The following STAT5B variants were observed in gnomAD, a reference collection of about 807,000 sequenced individuals.
STAT5B encodes the protein signal transducer and activator of transcription 5B, also known as transcription factor STAT5B.
STAT5B carries 21 observed loss-of-function variants against 107.8 expected under a neutral mutation model. The observed-to-expected ratio is 0.19, with a 90% CI of 0.14 to 0.28. The LOEUF (loss-of-function observed/expected upper bound fraction) is 0.28. Among genes scored for constraint, STAT5B ranks in the 10% least tolerant of loss-of-function variants. STAT5B has a pLI of 1.00. For missense variants in STAT5B, 565 were observed against 1,008.2 expected (o/e 0.56, Z 5.95); for synonymous variants, 325 against 401.7 (o/e 0.81, Z 2.28).
Position 42,262,952 on chromosome 17 carries a change from G to A in STAT5B, c.-11+13296C>T, listed in dbSNP as rs1285916500. Among the ~76,000 whole-genome samples the A allele has an allele frequency of 2.9e-3, 143 of 49,092 alleles. 5 individuals are homozygous for A. The highest frequency in any genetic ancestry group is 0.011 in the African/African-American group (118 of 10,494). 32.2% of individuals were successfully genotyped at this position (49,092 alleles called of 152,430 possible). A position where few individuals can be genotyped will look rare whatever the true frequency, so the allele number is the denominator to read the frequency against. ...TATATATGTATATATATGTGTGTGT[G>A]TGTGTGTGTGTGTGTGTGTATATAT... On this transcript the variant is annotated intron_variant, in intron 1 of 18. Coordinates refer to ENST00000293328, the MANE Select transcript of STAT5B (RefSeq NM_012448.4).
In STAT5B at chr17:42,228,934, C is replaced by T. The variant is rs145368468; in HGVS notation, c.129-1249G>A. Among the ~76,000 whole-genome samples, 324 of 152,150 alleles carry T rather than the reference C, an allele frequency of 2.1e-3. 2 individuals are homozygous for T. The highest frequency in any genetic ancestry group is 7.4e-3 in the African/African-American group (309 of 41,490). On this transcript the variant is annotated intron_variant, in intron 2 of 18. Coordinates refer to ENST00000293328, the MANE Select transcript of STAT5B (RefSeq NM_012448.4). ...GGGTGACAAAGCAAGATTCTCTCTA[C>T]GAAAACATAACAAAACAAAACAAAA... is the stretch of plus-strand genomic sequence containing the variant.
intron 1 of STAT5B, among the ~76,000 whole-genome samples, chr17:42,265,013 GA>G (rs1168055816): frequency 7.7e-6 from 1 of 129,402 alleles, no homozygotes; most frequent in Non-Finnish European, 1.6e-5. Context: ...CTTCTTTTGA[GA>G]AGTGTCTGTT....
intron 1 of STAT5B, among the ~76,000 whole-genome samples, chr17:42,255,160 C>T (rs1323296202): frequency 6.6e-6 from 1 of 152,154 alleles, no homozygotes; most frequent in Non-Finnish European, 1.5e-5. Context: ...AGCTGAGGTC[C>T]CCTGTGGAGA....
chr17:42,238,501 C>T (rs1377925755), intron 1 of STAT5B, among the ~76,000 whole-genome samples: 2 of 145,542 alleles, frequency 1.4e-5, no homozygotes, highest in African/African-American at 2.6e-5. Context: ...GTCACCCAGG[C>T]TGGAGTGCAG....
In STAT5B at chr17:42,247,848, G is replaced by A. The variant is rs778742200; in HGVS notation, c.-10-15711C>T. Among the ~76,000 whole-genome samples, 47 of 152,002 alleles carry A rather than the reference G, an allele frequency of 3.1e-4. 1 individual carries two copies. The highest frequency in any genetic ancestry group is 4.7e-4 in the Non-Finnish European group (32 of 68,016). On this transcript the variant is annotated intron_variant, in intron 1 of 18. Coordinates refer to ENST00000293328, the MANE Select transcript of STAT5B (RefSeq NM_012448.4). ...CACACCTGTAGTCTTAGTTACTTGG[G>A]AGGATGAGGTGGGAGAATCACTTGA...
upstream of STAT5B, among the ~76,000 whole-genome samples, chr17:42,279,483 G>A (rs533947620): frequency 5.9e-5 from 9 of 152,256 alleles, no homozygotes; most frequent in African/African-American, 9.6e-5. Context: ...GCCACAGGGC[G>A]CTAGTTTAAA....
chr17:42,215,923 T>C, intron 12 of STAT5B, 91 bp downstream of exon 12: 1 of 1,445,148 alleles, frequency 6.9e-7, no homozygotes, highest in Non-Finnish European at 9.5e-7. Context: ...CACCCGGCCT[T>C]TTCCTATGCT....
chr17:42,241,617 A>AT (rs1363492657), intron 1 of STAT5B, among the ~76,000 whole-genome samples: 1 of 151,618 alleles, frequency 6.6e-6, no homozygotes, highest in East Asian at 2.0e-4. Flanking sequence ...TAATTTTTGG[A>AT]TTTTTAGTAG....
intron 1 of STAT5B, among the ~76,000 whole-genome samples, chr17:42,243,774 T>G (rs1452872755): frequency 6.6e-6 from 1 of 152,154 alleles, no homozygotes; most frequent in Non-Finnish European, 1.5e-5. Context: ...AAACTGTCCC[T>G]GGTGGTCAAT....
At chr17:42,273,539 C>T (rs2080738310) in intron 1 of STAT5B, among the ~76,000 whole-genome samples, 1 of 152,164 alleles carries the variant, frequency 6.6e-6, no homozygotes, top group Non-Finnish European at 1.5e-5. Context: ...ATGCAGTAAT[C>T]TGCACTCTTA....
intron 1 of STAT5B, among the ~76,000 whole-genome samples, chr17:42,250,723 G>A (rs937760284): frequency 1.3e-5 from 2 of 152,004 alleles, no homozygotes; most frequent in African/African-American, 4.8e-5. Flanking sequence ...AGGAGATCGA[G>A]ACCATCCTGG....
intron 1 of STAT5B, among the ~76,000 whole-genome samples, chr17:42,246,033 C>T (rs1055670868): frequency 7.9e-5 from 12 of 152,048 alleles, no homozygotes; most frequent in Non-Finnish European, 1.5e-5. Flanking sequence ...TGCAAGAGGG[C>T]AAATAGAGAA....
At chr17:42,208,672 A>C (rs1280369667) in intron 15 of STAT5B, among the ~76,000 whole-genome samples, 1 of 151,942 alleles carries the variant, frequency 6.6e-6, no homozygotes, top group African/African-American at 2.4e-5. Flanking sequence ...CCATACAAAG[A>C]TATATAAAAG....
chr17:42,250,662 T>C lies in STAT5B; in HGVS notation c.-10-18525A>G, dbSNP rs929264791. 3.9e-5 allele frequency among the ~76,000 whole-genome samples: 6 copies of C among 152,158 alleles called. No homozygotes were observed. In the South Asian group the frequency reaches 6.2e-4, roughly 16 times the overall value. The stretch of plus-strand genomic sequence containing the variant: ...TCACGAGGCCGGGCGCGGTGGCTCA[T>C]GCCTGTAATCCCAGCACTTTAGGAG... On this transcript the variant is annotated intron_variant, in intron 1 of 18. Coordinates refer to ENST00000293328, the MANE Select transcript of STAT5B (RefSeq NM_012448.4).
At chr17:42,277,521 C>T (rs1424095810), upstream of STAT5B, among the ~76,000 whole-genome samples, 1 of 152,172 alleles carries the variant, frequency 6.6e-6, no homozygotes, top group Non-Finnish European at 1.5e-5. Context: ...AAAAACCCTT[C>T]TCCGCTACCC....
chr17:42,236,047 G>A (rs2144309971), intron 1 of STAT5B, among the ~76,000 whole-genome samples: 1 of 152,216 alleles, frequency 6.6e-6, no homozygotes, highest in African/African-American at 2.4e-5. Flanking sequence ...AGAATGCTGA[G>A]CTCTTAGAAT....
rs1467245748 is a variant in STAT5B at position 42,217,322 on chromosome 17, T to C, written c.1258-40A>G. 6.8e-6 allele frequency: 11 copies of C among 1,614,090 alleles called. No homozygotes were observed. In the Admixed American group the frequency reaches 8.3e-5, roughly 12 times the overall value. ...CATAAGATGAAACGTAAGATATAAG[T>C]TGTTCCCCTCAAAGACCAGGGAAAA... On this transcript the variant is annotated intron_variant, in intron 10 of 18. Coordinates refer to ENST00000293328, the MANE Select transcript of STAT5B (RefSeq NM_012448.4).
intron 1 of STAT5B, among the ~76,000 whole-genome samples, chr17:42,261,989 C>T (rs1173070597): frequency 6.6e-6 from 1 of 152,090 alleles, no homozygotes; most frequent in Non-Finnish European, 1.5e-5. Context: ...TGTGAGTCAT[C>T]TCACCTGGCC....
intron 9 of STAT5B, 75 bp downstream of exon 9, chr17:42,218,076 G>T: frequency 6.4e-7 from 1 of 1,561,274 alleles, no homozygotes; most frequent in Non-Finnish European, 8.7e-7. Flanking sequence ...TCTGACACAG[G>T]AGGCAGAATT....
Sources: gnomAD v4.1 joint callset for allele counts (sites outside exome capture counted in the v4.1 genomes callset) on GRCh38, gnomAD v4.1.1 for gene constraint, MANE v1.5 for transcripts, NCBI Gene and HGNC (gene_info 2026-07-23, HGNC 2026-07-21) for gene names.